Variants in ARPP21 observed in about 807,000 individuals in gnomAD.
ARPP21 encodes cAMP-regulated phosphoprotein 21.
ARPP21 carries 69 observed loss-of-function variants against 113.2 expected under a neutral mutation model. The ratio of observed to expected loss-of-function variants is 0.61; its 90% CI spans 0.50 to 0.74. The LOEUF is 0.74. Ranked by LOEUF, ARPP21 falls within the 30% of genes least tolerant of loss-of-function variation. The pLI, the probability that ARPP21 is intolerant of heterozygous loss-of-function variation, is 0.00. For missense variants in ARPP21, 1,070 were observed against 1,037.4 expected (o/e 1.03, Z -0.43); for synonymous variants, 368 against 375.5 (o/e 0.98, Z 0.23).
intron 2 of ARPP21, chr3:35,680,905 G>A (rs1442284303): frequency 6.6e-6 from 1 of 151,758 alleles, no homozygotes; most frequent in African/African-American, 2.4e-5. Flanking sequence ...GAAGTGTCAG[G>A]GGTTTTATAA....
At chr3:35,639,234 G>T (rs1170198536), upstream of ARPP21, among the ~76,000 whole-genome samples, 1 of 152,030 alleles carries the variant, frequency 6.6e-6, no homozygotes, top group Non-Finnish European at 1.5e-5. This position sits in a 1 kb window ranked among gnomAD's most constrained non-coding sequence, Gnocchi z 5.0. Context: ...GTGGTACCGC[G>T]GGCGCCCGGC....
At chr3:35,717,206 T>C in intron 12 of ARPP21, 92 bp from the exon 13 acceptor site, 1 of 697,106 alleles carries the variant, frequency 1.4e-6, no homozygotes, top group Non-Finnish European at 2.6e-6. Context: ...ATGGGATTGA[T>C]TTGTGCTGTA....
intron 11 of ARPP21, among the ~76,000 whole-genome samples, chr3:35,711,608 T>C (rs777413335): frequency 6.6e-6 from 1 of 152,222 alleles, no homozygotes; most frequent in Non-Finnish European, 1.5e-5. Context: ...TGGGTGATTC[T>C]AGCTCAGAGT....
At position 35,707,012 on chromosome 3, in the gene ARPP21, A is replaced by G. The variant is rs1392875878; in HGVS notation, c.725A>G (p.Lys242Arg). 6.2e-7 allele frequency: 1 copy of G among 1,614,026 alleles called. No individual in the cohort carries two copies. Among genetic ancestry groups the G allele is most frequent in the African/African-American group, 1.3e-5 (1 of 75,042 alleles). The change falls in exon 10 of 21, where the codon AAA (lysine) becomes AGA (arginine). Residue 242 changes from lysine to arginine, a missense_variant. Physicochemically the swap from Lys to Arg is conservative, Grantham distance 26. Transcript: ENST00000684406. Reference protein sequence around the residue: ...QRFCEHLKDEKGEESQKRFIL... With the variant: ...QRFCEHLKDERGEESQKRFIL... ...TTTTGTGAACATTTAAAAGATGAAA[A>G]AGGTGAAGAATCCCAGAAGCGGTTT... is the stretch of plus-strand genomic sequence containing the variant.
chr3:35,753,041 AGT>A (rs3086930), intron 19 of ARPP21, among the ~76,000 whole-genome samples: 8,618 of 143,462 alleles, frequency 0.06, 325 homozygotes, highest in South Asian at 0.13. Flanking sequence ...TATGGCAGGA[AGT>A]GTGTGTGTGT....
At chr3:35,753,456 A>T (rs961281552) in intron 19 of ARPP21, among the ~76,000 whole-genome samples, 3 of 152,054 alleles carry the variant, frequency 2.0e-5, no homozygotes, top group African/African-American at 7.2e-5. Flanking sequence ...GAATACTTCC[A>T]TGAAAGCTCA....
In ARPP21 at chr3:35,721,746, C is replaced by T. The variant is rs1372776449; in HGVS notation, c.1137C>T (p.Thr379=). 6.2e-7 allele frequency: 1 copy of T among 1,613,852 alleles called. No individual in the cohort carries two copies. The highest frequency in any genetic ancestry group is 1.1e-5 in the South Asian group (1 of 91,040). Residue 379 remains threonine (T), a synonymous_variant, in exon 14 of 21, where the codon ACC becomes ACT. Coordinates refer to ENST00000684406, the MANE Select transcript of ARPP21 (RefSeq NM_001385562.1). The part of the protein sequence containing the change: ...SSNRNLKPAM[T]KTASFGGITV... The stretch of plus-strand genomic sequence containing the variant: ...ACCGCAATCTAAAGCCCGCCATGAC[C>T]AAGACGGCGAGTTTTGGGGGCATCA...
chr3:35,752,108 C>T (rs1158203198), intron 19 of ARPP21, among the ~76,000 whole-genome samples: 1 of 151,956 alleles, frequency 6.6e-6, no homozygotes, highest in Non-Finnish European at 1.5e-5. Context: ...ACGATGGATG[C>T]AGATAAATCA....
At chr3:35,674,527 T>C (rs753932473) in intron 1 of ARPP21, among the ~76,000 whole-genome samples, 4 of 151,862 alleles carry the variant, frequency 2.6e-5, no homozygotes, top group Non-Finnish European at 5.9e-5. Context: ...TAAAAAATTA[T>C]GATGCCTACC....
At chr3:35,743,228 T>A (rs9860419) in intron 18 of ARPP21, among the ~76,000 whole-genome samples, 4,715 of 152,304 alleles carry the variant, frequency 0.031, 244 homozygotes, top group African/African-American at 0.1. Flanking sequence ...CAATTCAAGT[T>A]AGATATAATA....
chr3:35,750,017 G>T (rs923115745), intron 19 of ARPP21, among the ~76,000 whole-genome samples: 1 of 150,460 alleles, frequency 6.6e-6, no homozygotes, highest in African/African-American at 2.4e-5. Flanking sequence ...CTGTTTCATT[G>T]ATTTTTCTAT....
At chr3:35,660,447 A>G (rs547512655) in intron 1 of ARPP21, among the ~76,000 whole-genome samples, 1 of 152,118 alleles carries the variant, frequency 6.6e-6, no homozygotes, top group South Asian at 2.1e-4. Context: ...CCGCACATAC[A>G]CCATAAAAGT....
chr3:35,647,001 G>A (rs999393134), intron 1 of ARPP21, among the ~76,000 whole-genome samples: 2 of 152,006 alleles, frequency 1.3e-5, no homozygotes, highest in African/African-American at 4.8e-5. Context: ...AAATTTTCAC[G>A]TAATCACTAA....
chr3:35,700,749 C>G (rs945299757), intron 9 of ARPP21, among the ~76,000 whole-genome samples: 3 of 151,628 alleles, frequency 2.0e-5, no homozygotes, highest in African/African-American at 7.3e-5. Flanking sequence ...TATATTGAAC[C>G]AAATATCACA....
Position 35,722,323 on chromosome 3 carries a change from G to C in ARPP21, c.1225+489G>C, listed in dbSNP as rs532789100. Among the ~76,000 whole-genome samples, 606 of 152,218 alleles carry C rather than the reference G, an allele frequency of 4.0e-3. 4 individuals are homozygous for C. Among genetic ancestry groups the C allele is most frequent in the African/African-American group, 0.014 (589 of 41,510 alleles). ...TATAATATTAATAGCTTTCGTTCTT[G>C]CATTGGAATGCTGTTAGTACGATCC... is the stretch of plus-strand genomic sequence containing the variant. On this transcript the variant is annotated intron_variant, in intron 14 of 20. Coordinates refer to ENST00000684406, the MANE Select transcript of ARPP21 (RefSeq NM_001385562.1).
intron 19 of ARPP21, among the ~76,000 whole-genome samples, chr3:35,787,399 CT>C (rs2096655252): frequency 6.6e-6 from 1 of 152,108 alleles, no homozygotes; most frequent in South Asian, 2.1e-4. Flanking sequence ...TAAATATAGT[CT>C]CTTCAAAGAT....
At chr3:35,729,580 G>A (rs370682650) in intron 15 of ARPP21, 44 bp downstream of exon 15, 20 of 1,504,392 alleles carry the variant, frequency 1.3e-5, no homozygotes, top group Non-Finnish European at 1.8e-5. Flanking sequence ...GCTTTCAGAT[G>A]TTTGTTCTTA....
intron 11 of ARPP21, among the ~76,000 whole-genome samples, chr3:35,713,096 A>T (rs1252011850): frequency 6.6e-6 from 1 of 152,144 alleles, no homozygotes; most frequent in Non-Finnish European, 1.5e-5. Flanking sequence ...GAACTCTATA[A>T]CCCATTAAGC....
chr3:35,729,924 CAA>C (rs2093826780), intron 15 of ARPP21, among the ~76,000 whole-genome samples: 1 of 152,110 alleles, frequency 6.6e-6, no homozygotes, highest in South Asian at 2.1e-4. Flanking sequence ...TGTATTATGT[CAA>C]AAGTGTTTTT....
Sources: allele counts gnomAD v4.1 joint callset (sites outside exome capture counted in the v4.1 genomes callset), GRCh38; gene constraint gnomAD v4.1.1; non-coding constraint Gnocchi (gnomAD v3.1); transcripts MANE v1.5; gene names NCBI Gene and HGNC (gene_info 2026-07-23, HGNC 2026-07-21).